Variants in CPA6 observed in about 807,000 individuals in gnomAD.
The protein encoded by CPA6 is carboxypeptidase B.
CPA6 carries 58 observed loss-of-function variants against 63.3 expected under a neutral mutation model. The ratio of observed to expected loss-of-function variants is 0.92; its 90% CI spans 0.74 to 1.14. CPA6 has a LOEUF of 1.14. Among genes scored for constraint, CPA6 ranks in the 50% most tolerant of loss-of-function variants. CPA6 has a pLI of 0.00. For synonymous variants in CPA6, 185 were observed against 179.0 expected (o/e 1.03, Z -0.27); for missense variants, 565 against 526.6 (o/e 1.07, Z -0.71).
intron 1 of CPA6, among the ~76,000 whole-genome samples, chr8:67,641,589 T>C (rs1229039729): frequency 1.3e-5 from 2 of 152,242 alleles, no homozygotes; most frequent in Admixed American, 6.5e-5. Flanking sequence ...CAAAGTGTCA[T>C]GTAAGCTGGA....
At chr8:67,544,078 G>A (rs899998136) in intron 2 of CPA6, among the ~76,000 whole-genome samples, 9 of 152,106 alleles carry the variant, frequency 5.9e-5, no homozygotes, top group Non-Finnish European at 1.3e-4. Context: ...ATAAGCCACG[G>A]CATCCAGCCT....
chr8:67,724,480 G>A (rs1817560224), intron 1 of CPA6, among the ~76,000 whole-genome samples: 1 of 152,184 alleles, frequency 6.6e-6, no homozygotes, highest in Admixed American at 6.5e-5. Context: ...GCCCCACTGA[G>A]CACCACTTCA....
In CPA6 at chr8:67,579,326, T is replaced by A. The variant is rs1034271277; in HGVS notation, c.192+44850A>T. Among the ~76,000 whole-genome samples the A allele has an allele frequency of 5.9e-5, 9 of 152,104 alleles. No individual in the cohort carries two copies. In the South Asian group the frequency reaches 1.5e-3, roughly 25 times the overall value. ...TGCTTGGGAGGCTGAGGCAAGAGAA[T>A]CACTTGAATCCAGGAGTTGGAGGTT... On this transcript the variant is annotated intron_variant, in intron 2 of 10. Transcript: ENST00000297770.
At chr8:67,425,904 T>C (rs952021390) in intron 10 of CPA6, among the ~76,000 whole-genome samples, 10 of 148,510 alleles carry the variant, frequency 6.7e-5, no homozygotes, top group African/African-American at 2.3e-4. Flanking sequence ...CTTTTCTTTT[T>C]TTTTTTTTTT....
intron 1 of CPA6, among the ~76,000 whole-genome samples, chr8:67,628,803 T>C (rs919693328): frequency 6.6e-6 from 1 of 152,198 alleles, no homozygotes; most frequent in African/African-American, 2.4e-5. Context: ...TAAGTTCCTA[T>C]GGGCATATTT....
intron 1 of CPA6, among the ~76,000 whole-genome samples, chr8:67,711,701 A>T (rs1817264600): frequency 6.7e-6 from 1 of 149,360 alleles, no homozygotes; most frequent in Admixed American, 6.6e-5. Context: ...ACACACACAC[A>T]CACACACACA....
intron 2 of CPA6, among the ~76,000 whole-genome samples, chr8:67,587,842 A>G (rs1813988306): frequency 6.6e-6 from 1 of 152,200 alleles, no homozygotes; most frequent in Non-Finnish European, 1.5e-5. Flanking sequence ...GAGCGATTGA[A>G]GCTGTGGGAA....
chr8:67,662,370 A>C (rs1295046019), intron 1 of CPA6, among the ~76,000 whole-genome samples: 2 of 152,072 alleles, frequency 1.3e-5, no homozygotes, highest in Non-Finnish European at 2.9e-5. Flanking sequence ...GAGTGATGTT[A>C]TTCTAGAAAA....
chr8:67,517,892 A>G lies in CPA6; in HGVS notation c.317+31T>C. 1.3e-6 allele frequency: 2 copies of G among 1,582,282 alleles called. 1 individual carries two copies. On this transcript the variant is annotated intron_variant, in intron 3 of 10. Coordinates refer to ENST00000297770, the MANE Select transcript of CPA6 (RefSeq NM_020361.5). ...CATTTGGTTCAGTTTAGTACCAATA[A>G]ATTTTATAGCAAGTGAAAAGGAATG... is the stretch of plus-strand genomic sequence containing the variant.
chr8:67,595,185 C>T (rs1481525932), intron 2 of CPA6, among the ~76,000 whole-genome samples: 1 of 152,174 alleles, frequency 6.6e-6, no homozygotes. Context: ...GTGGTGTCTG[C>T]AGAACTGCGG....
At chr8:67,729,569 C>T (rs927856386) in intron 1 of CPA6, among the ~76,000 whole-genome samples, 17 of 152,130 alleles carry the variant, frequency 1.1e-4, no homozygotes, top group African/African-American at 4.1e-4. Context: ...AACAATTAAA[C>T]AATTAAAGTA....
At chr8:67,534,868 GC>G (rs1812552141) in intron 2 of CPA6, among the ~76,000 whole-genome samples, 1 of 122,964 alleles carries the variant, frequency 8.1e-6, no homozygotes, top group South Asian at 2.5e-4. Context: ...CCCTCCCCTT[GC>G]CCCCCACCCC....
intron 2 of CPA6, among the ~76,000 whole-genome samples, chr8:67,615,892 G>A (rs1228035231): frequency 3.3e-5 from 5 of 152,344 alleles, no homozygotes; most frequent in Non-Finnish European, 7.4e-5. Flanking sequence ...GAAGAGGAGA[G>A]CATTCCAGAC....
chr8:67,670,432 C>G (rs1364417477), intron 1 of CPA6, among the ~76,000 whole-genome samples: 1 of 152,180 alleles, frequency 6.6e-6, no homozygotes, highest in Admixed American at 6.5e-5. Flanking sequence ...TCACCTCTAA[C>G]TCTGGGGGGC....
At chr8:67,466,921 G>A (rs77050549) in intron 8 of CPA6, among the ~76,000 whole-genome samples, 10 of 152,064 alleles carry the variant, frequency 6.6e-5, no homozygotes, top group African/African-American at 1.2e-4. Flanking sequence ...TCATCATTAC[G>A]TATTTTACAG....
At chr8:67,509,220 A>G (rs1811993095) in intron 5 of CPA6, among the ~76,000 whole-genome samples, 2 of 152,212 alleles carry the variant, frequency 1.3e-5, no homozygotes, top group South Asian at 4.1e-4. Flanking sequence ...GACCCAAACC[A>G]TAGCAGCTTC....
At chr8:67,718,204 C>T (rs1319208598) in intron 1 of CPA6, among the ~76,000 whole-genome samples, 1 of 152,076 alleles carries the variant, frequency 6.6e-6, no homozygotes, top group Non-Finnish European at 1.5e-5. Context: ...ATTTTAAGTC[C>T]TAATGACTCC....
rs528342581 is a variant in CPA6 at position 67,651,617 on chromosome 8, A to G, written c.117-27366T>C. Among the ~76,000 whole-genome samples, 7 of 152,216 alleles carry G rather than the reference A, an allele frequency of 4.6e-5. No individual in the cohort carries two copies. In the South Asian group the frequency reaches 8.3e-4, roughly 18 times the overall value. On this transcript the variant is annotated intron_variant, in intron 1 of 10. Coordinates refer to ENST00000297770, the MANE Select transcript of CPA6 (RefSeq NM_020361.5). ...ACACTCATTGTATTCTCTTTGCTGT[A>G]TAATTTTGGTTTCGGTTTTCCTTAC...
At chr8:67,455,219 T>C (rs1272677377) in intron 8 of CPA6, among the ~76,000 whole-genome samples, 1 of 152,134 alleles carries the variant, frequency 6.6e-6, no homozygotes, top group Non-Finnish European at 1.5e-5. Context: ...CATGAGGCTG[T>C]GCTCCAGTTA....
Sources: allele counts gnomAD v4.1 joint callset (sites outside exome capture counted in the v4.1 genomes callset), GRCh38; gene constraint gnomAD v4.1.1; transcripts MANE v1.5; gene names NCBI Gene and HGNC (gene_info 2026-07-23, HGNC 2026-07-21).